The following ITGA9 variants were observed in gnomAD, a reference collection of about 807,000 sequenced individuals.
ITGA9 encodes integrin subunit alpha 9, also known as integrin alpha-9.
In ITGA9, 56 loss-of-function variants were observed where a neutral mutation model predicts 127.8. The ratio of observed to expected loss-of-function variants is 0.44; its 90% CI spans 0.35 to 0.55. ITGA9 has a LOEUF of 0.55. Among genes scored for constraint, ITGA9 ranks in the 20% least tolerant of loss-of-function variants. The pLI is 0.00. For synonymous variants in ITGA9, 508 were observed against 514.5 expected (o/e 0.99, Z 0.17); for missense variants, 1,196 against 1,347.1 (o/e 0.89, Z 1.76).
intron 16 of ITGA9, among the ~76,000 whole-genome samples, chr3:37,636,451 T>C (rs1700279796): frequency 6.6e-6 from 1 of 152,288 alleles, no homozygotes; most frequent in South Asian, 2.1e-4. Flanking sequence ...TGTCTGTTCA[T>C]ATCCCTCACC....
intron 14 of ITGA9, among the ~76,000 whole-genome samples, chr3:37,535,746 C>G (rs1252477883): frequency 6.6e-6 from 1 of 152,158 alleles, no homozygotes; most frequent in Non-Finnish European, 1.5e-5. Flanking sequence ...GGGTGTGTTT[C>G]CCCGATAATC....
At chr3:37,542,059 T>C (rs550707510) in intron 14 of ITGA9, among the ~76,000 whole-genome samples, 1 of 152,314 alleles carries the variant, frequency 6.6e-6, no homozygotes, top group East Asian at 1.9e-4. Flanking sequence ...TAATGTTCTG[T>C]AGGTTTGTCA....
At chr3:37,791,124 C>T (rs1697104365) in intron 26 of ITGA9, among the ~76,000 whole-genome samples, 1 of 152,014 alleles carries the variant, frequency 6.6e-6, no homozygotes, top group African/African-American at 2.4e-5. Flanking sequence ...TTACTGAGGC[C>T]CACAGAAGAG....
At chr3:37,787,978 G>A (rs1247492389) in intron 26 of ITGA9, among the ~76,000 whole-genome samples, 1 of 152,160 alleles carries the variant, frequency 6.6e-6, no homozygotes, top group African/African-American at 2.4e-5. Context: ...GTTTTAAAAT[G>A]CATTTTATAT....
chr3:37,590,344 G>A (rs1016334586), intron 15 of ITGA9, among the ~76,000 whole-genome samples: 1 of 152,184 alleles, frequency 6.6e-6, no homozygotes, highest in Non-Finnish European at 1.5e-5. Context: ...AAGATGAGAG[G>A]AAGATATTCC....
Position 37,791,605 on chromosome 3 carries a change from A to G in ITGA9, c.2889+6527A>G, listed in dbSNP as rs1345723376. On this transcript the variant is annotated intron_variant, in intron 26 of 27. Coordinates refer to ENST00000264741, the MANE Select transcript of ITGA9 (RefSeq NM_002207.3). ...TCTCTCTACCTCGTGCTCTGGAGTC[A>G]GGCAGAAACCTTTCTACTTTCTGGA... 2.6e-5 allele frequency among the ~76,000 whole-genome samples: 4 copies of G among 152,212 alleles called. No homozygotes were observed. The East Asian group carries it at 7.7e-4, about 29-fold the overall frequency.
chr3:37,518,959 A>G (rs1228712356), intron 10 of ITGA9, among the ~76,000 whole-genome samples: 1 of 150,328 alleles, frequency 6.7e-6, no homozygotes, highest in Non-Finnish European at 1.5e-5. Flanking sequence ...TAATTTTTGT[A>G]TTTTTAGTAG....
chr3:37,504,880 G>T (rs1267571712), intron 6 of ITGA9, among the ~76,000 whole-genome samples: 1 of 152,218 alleles, frequency 6.6e-6, no homozygotes, highest in African/African-American at 2.4e-5. Flanking sequence ...TTTAGGGTTA[G>T]AGGGTGATGA....
At chr3:37,477,794 A>G (rs1251698108) in intron 3 of ITGA9, among the ~76,000 whole-genome samples, 1 of 152,214 alleles carries the variant, frequency 6.6e-6, no homozygotes, top group Non-Finnish European at 1.5e-5. Flanking sequence ...GGCTCAGACA[A>G]CAAATAATTT....
chr3:37,725,064 C>A (rs1412248566), intron 18 of ITGA9, among the ~76,000 whole-genome samples: 1 of 152,136 alleles, frequency 6.6e-6, no homozygotes, highest in Non-Finnish European at 1.5e-5. Context: ...CTTTCATGAC[C>A]CCTGCTGGAT....
At chr3:37,494,754 G>A (rs192772767) in intron 5 of ITGA9, among the ~76,000 whole-genome samples, 186 bp downstream of exon 5, 11 of 152,292 alleles carry the variant, frequency 7.2e-5, no homozygotes, top group Admixed American at 1.3e-4. Flanking sequence ...CAGCTGGCCA[G>A]AGACCACTGG....
intron 4 of ITGA9, among the ~76,000 whole-genome samples, chr3:37,490,176 T>A (rs532312301): frequency 3.3e-5 from 5 of 152,240 alleles, no homozygotes; most frequent in Admixed American, 2.6e-4. Context: ...CCAGGGTGAC[T>A]TAGGTTAAAG....
intron 23 of ITGA9, among the ~76,000 whole-genome samples, chr3:37,752,507 G>C (rs183547745): frequency 4.1e-4 from 62 of 152,272 alleles, no homozygotes; most frequent in Admixed American, 1.9e-3. Context: ...TGGAGGGAAG[G>C]CTCATCTGTC....
chr3:37,452,548 C>A lies in ITGA9; in HGVS notation c.174C>A (p.Asp58Glu). 1 of 1,523,226 alleles carries A rather than the reference C, an allele frequency of 6.6e-7. No homozygotes were observed. The highest frequency in any genetic ancestry group is 8.8e-7 in the Non-Finnish European group (1 of 1,134,934). 94.4% of individuals were successfully genotyped at this position (1,523,226 alleles called of 1,614,324 possible). A position where few individuals can be genotyped will look rare whatever the true frequency, so the allele number is the denominator to read the frequency against. The stretch of plus-strand genomic sequence containing the variant: ...ACGCAGTTCTGGAGCATTTCCACGA[C>A]AACACGCGCTGGTGAGTGCCCGCCC... ...FGYAVLEHFH[D>E]NTRWVLVGAP... Residue 58 changes from aspartate (D) to glutamate (E), a missense_variant, in exon 1 of 28, where the codon GAC becomes GAA. Asp to Glu is a conservative substitution (Grantham distance 45, BLOSUM62 2). Coordinates refer to ENST00000264741, the MANE Select transcript of ITGA9 (RefSeq NM_002207.3). This position sits in a 1 kb window ranked among gnomAD's most constrained non-coding sequence, Gnocchi z 7.3.
rs143286752 is a variant in ITGA9 at position 37,528,253 on chromosome 3, A to T, written c.1373+2182A>T. ...GACAGCCTTCTCCAGGAGTTTGCTC[A>T]CATATGGATGTAAAGTAAAGCGAGG... On this transcript the variant is annotated intron_variant, in intron 13 of 27. Transcript: ENST00000264741. Among the ~76,000 whole-genome samples, 590 of 152,332 alleles carry T rather than the reference A, an allele frequency of 3.9e-3. 4 individuals carry two copies. Among genetic ancestry groups the T allele is most frequent in the Non-Finnish European group, 4.6e-3 (312 of 68,044 alleles).
intron 1 of ITGA9, among the ~76,000 whole-genome samples, chr3:37,458,095 A>C (rs1359015963): frequency 6.6e-6 from 1 of 152,266 alleles, no homozygotes; most frequent in African/African-American, 2.4e-5. Context: ...TTAACAACCA[A>C]AATGAATTTC....
In ITGA9 at chr3:37,675,190, C is replaced by A. The variant is rs558291702; in HGVS notation, c.1917-8675C>A. Among the ~76,000 whole-genome samples, 18 of 152,294 alleles carry A rather than the reference C, an allele frequency of 1.2e-4. 1 individual carries two copies. The South Asian group carries it at 3.7e-3, about 32-fold the overall frequency. On this transcript the variant is annotated intron_variant, in intron 17 of 27. Coordinates refer to ENST00000264741, the MANE Select transcript of ITGA9 (RefSeq NM_002207.3). Reference sequence around the variant, plus strand: ...GTACTGGGAGTAGATGTGCAGCCCCCCGCCTTTGCAGTAGCCCTCAACCAA... The same window carrying A: ...GTACTGGGAGTAGATGTGCAGCCCCACGCCTTTGCAGTAGCCCTCAACCAA...
At chr3:37,588,591 G>A (rs1186977918) in intron 15 of ITGA9, among the ~76,000 whole-genome samples, 3 of 152,186 alleles carry the variant, frequency 2.0e-5, no homozygotes, top group African/African-American at 7.2e-5. Context: ...TCTGCAAGAG[G>A]GAGATGTGGA....
At chr3:37,526,193 G>A in intron 13 of ITGA9, 122 bp downstream of exon 13, 1 of 837,338 alleles carries the variant, frequency 1.2e-6, no homozygotes, top group Non-Finnish European at 2.1e-6. Flanking sequence ...TTAGTAAGTG[G>A]AAATGCTACC....
Sources: allele counts gnomAD v4.1 joint callset (sites outside exome capture counted in the v4.1 genomes callset), GRCh38; gene constraint gnomAD v4.1.1; non-coding constraint Gnocchi (gnomAD v3.1); transcripts MANE v1.5; gene names NCBI Gene and HGNC (gene_info 2026-07-23, HGNC 2026-07-21).